The following FUCA2 variants were observed in gnomAD, a reference collection of about 807,000 sequenced individuals.
FUCA2 encodes alpha-L-fucosidase 2.
Under a neutral mutation model 52.6 loss-of-function variants are expected in FUCA2, and 41 were observed. The ratio of observed to expected loss-of-function variants is 0.78; its 90% CI spans 0.61 to 1.01. The LOEUF (loss-of-function observed/expected upper bound fraction) is 1.01. FUCA2 is among the 50% of genes least tolerant of loss of function. The probability of loss-of-function intolerance (pLI) is 0.00; values close to 1 mark genes in which losing one functional copy is unlikely to be tolerated. For missense variants in FUCA2, 507 were observed against 569.5 expected, an observed-to-expected ratio of 0.89 and a Z score of 1.12; for synonymous variants, 211 against 217.3, an observed-to-expected ratio of 0.97 and a Z score of 0.26.
intron 5 of FUCA2, among the ~76,000 whole-genome samples, chr6:143,498,244 A>G (rs1291264544): frequency 1.3e-5 from 2 of 152,184 alleles, no homozygotes; most frequent in African/African-American, 2.4e-5. Flanking sequence ...TTAAAATGCT[A>G]GACACTGTTT....
rs1780562984 is a variant in FUCA2, at chr6:143,503,823, A to C, written c.752+90T>G. ...CCCCCCATACCACCAATGACTTAAA[A>C]TGAAATATTTCAAGAGGTGAAGGAA... is the stretch of plus-strand genomic sequence containing the variant. On this transcript the variant is annotated intron_variant, in intron 3 of 6. Transcript: ENST00000002165. The surrounding 1 kb of genome is among the most constrained non-coding windows in gnomAD (Gnocchi z 4.8). 9.9e-7 allele frequency: 1 copy of C among 1,012,688 alleles called. No homozygotes were observed. Among genetic ancestry groups the C allele is most frequent in the African/African-American group, 1.6e-5 (1 of 61,840 alleles). 62.7% of individuals were successfully genotyped at this position (1,012,688 alleles called of 1,614,324 possible). A position where few individuals can be genotyped will look rare whatever the true frequency, so the allele number is the denominator to read the frequency against.
chr6:143,495,871 A>G lies in FUCA2; in HGVS notation c.1264-24T>C. On this transcript the variant is annotated intron_variant, in intron 6 of 6. Transcript: ENST00000002165. This position sits in a 1 kb window ranked among gnomAD's most constrained non-coding sequence, Gnocchi z 5.2. ...ACCTGAAATTAAAAACATACATGCA[A>G]ATGTCTCCAAATTTATCTCTTTATC... 6.2e-7 allele frequency: 1 copy of G among 1,609,548 alleles called. No homozygotes were observed. The highest frequency in any genetic ancestry group is 8.5e-7 in the Non-Finnish European group (1 of 1,176,652).
rs1780624394 is a variant in FUCA2 at position 143,507,496 on chromosome 6, C to T, written c.225-72G>A. Reference sequence around the variant, plus strand: ...ATTTAAAAGAACTGCTCCAGCTCCCCTTACCATTTACCCCTCACACAGATA... The same window carrying T: ...ATTTAAAAGAACTGCTCCAGCTCCCTTTACCATTTACCCCTCACACAGATA... On this transcript the variant is annotated intron_variant, in intron 1 of 6. Transcript: ENST00000002165. This position sits in a 1 kb window ranked among gnomAD's most constrained non-coding sequence, Gnocchi z 4.5. 11 of 1,102,562 alleles carry T rather than the reference C, an allele frequency of 1.0e-5. No individual in the cohort carries two copies. In the South Asian group the frequency reaches 1.6e-4, roughly 17 times the overall value. 68.3% of individuals were successfully genotyped at this position (1,102,562 alleles called of 1,614,324 possible).
rs1273222273 is a variant in FUCA2, at chr6:143,499,454, G to A, written c.1155-1957C>T. 6.6e-6 allele frequency among the ~76,000 whole-genome samples: 1 copy of A among 152,208 alleles called. No homozygotes were observed. The highest frequency in any genetic ancestry group is 1.9e-4 in the East Asian group (1 of 5,186). On this transcript the variant is annotated intron_variant, in intron 5 of 6. Coordinates refer to ENST00000002165, the MANE Select transcript of FUCA2 (RefSeq NM_032020.5). The surrounding 1 kb of genome is among the most constrained non-coding windows in gnomAD (Gnocchi z 6.0). ...ACCTGTAATCCCAGCTACTCAGGAG[G>A]CTGAGGCAGGAGAATCACTTGAACC... is the stretch of plus-strand genomic sequence containing the variant.
chr6:143,502,571 A>T lies in FUCA2; in HGVS notation c.753-6T>A, dbSNP rs1780544458. 1.2e-6 allele frequency: 2 copies of T among 1,605,620 alleles called. No homozygotes were observed. Among genetic ancestry groups the T allele is most frequent in the African/African-American group, 2.7e-5 (2 of 74,528 alleles). On this transcript the variant is annotated splice_polypyrimidine_tract_variant and splice_region_variant and intron_variant, in intron 3 of 6. Coordinates refer to ENST00000002165, the MANE Select transcript of FUCA2 (RefSeq NM_032020.5). This position sits in a 1 kb window ranked among gnomAD's most constrained non-coding sequence, Gnocchi z 4.1. ...CTACTGTGCCCCGAACTGGGCTGAA[A>T]TGAAACATACAATTTTTTAAAACAA...
rs556683485 is a variant in FUCA2 at position 143,507,959 on chromosome 6, G to A, written c.225-535C>T. On this transcript the variant is annotated intron_variant, in intron 1 of 6. Transcript: ENST00000002165. This position sits in a 1 kb window ranked among gnomAD's most constrained non-coding sequence, Gnocchi z 4.5. ...GTTAGGATTACAGGCATGAGTCACC[G>A]TGTCCAGCCCCATTCTCTTTTAATT... Among the ~76,000 whole-genome samples the A allele has an allele frequency of 2.6e-5, 4 of 152,224 alleles. No individual in the cohort carries two copies. Among genetic ancestry groups the A allele is most frequent in the African/African-American group, 9.6e-5 (4 of 41,550 alleles).
In FUCA2 at chr6:143,511,538, G is replaced by A. The variant is rs1255534514; in HGVS notation, c.97C>T (p.Arg33Cys). The part of the protein sequence containing the change: ...PPPCPAHSAT[R>C]FDPTWESLDA... ...AGGGACTCCCAGGTGGGGTCGAAGC[G>A]CGTGGCGCTGTGGGCAGGGCACGGC... is the stretch of plus-strand genomic sequence containing the variant. The change falls in exon 1 of 7, where the codon CGC (arginine) becomes TGC (cysteine). Residue 33 changes from arginine to cysteine, a missense_variant. Transcript: ENST00000002165. The surrounding 1 kb of genome is among the most constrained non-coding windows in gnomAD (Gnocchi z 6.3). 1 of 1,583,798 alleles carries A rather than the reference G, an allele frequency of 6.3e-7. No homozygotes were observed. Among genetic ancestry groups the A allele is most frequent in the South Asian group, 1.1e-5 (1 of 87,382 alleles).
Position 143,511,649 on chromosome 6 carries a change from C to CGGCTGTCCTCTCTGCAGGCT in FUCA2, c.-35_-16dup. 6.7e-7 allele frequency: 1 copy of CGGCTGTCCTCTCTGCAGGCT among 1,491,328 alleles called. No homozygotes were observed. The highest frequency in any genetic ancestry group is 8.9e-7 in the Non-Finnish European group (1 of 1,121,096). The allele number at this position is 1,491,328 out of a possible 1,614,324, so 92.4% of individuals were successfully genotyped here. On this transcript the variant is annotated 5_prime_UTR_variant, in exon 1 of 7. Coordinates refer to ENST00000002165, the MANE Select transcript of FUCA2 (RefSeq NM_032020.5). The surrounding 1 kb of genome is among the most constrained non-coding windows in gnomAD (Gnocchi z 6.3). ...TGGGGCCGCATGTCCCGGCGCAGGC[C>CGGCTGTCCTCTCTGCAGGCT]GGCTGTCCTCTCTGCAGGCTCCCGC...
Position 143,507,311 on chromosome 6 carries a change from T to G in FUCA2, c.338A>C (p.Asn113Thr), listed in dbSNP as rs1276484940. The G allele has an allele frequency of 1.2e-6, 2 of 1,609,396 alleles. No individual in the cohort carries two copies. The highest frequency in any genetic ancestry group is 1.1e-5 in the South Asian group (1 of 89,642). Residue 113 changes from asparagine to threonine, a missense_variant, in exon 2 of 7, where the codon AAT (asparagine) becomes ACT (threonine). By Grantham distance (65) the Asn-to-Thr change is moderately conservative. Transcript: ENST00000002165. The surrounding 1 kb of genome is among the most constrained non-coding windows in gnomAD (Gnocchi z 4.5). ...FGPLFTAKFF[N>T]ANQWADIFQA... ...AAAAATATCTGCCCACTGGTTGGCA[T>G]TAAAAAATTTTGCTGTAAATAGTGG...
In FUCA2 at chr6:143,501,840, A is replaced by C; in HGVS notation, c.1154+92T>G. The C allele has an allele frequency of 1.7e-6, 2 of 1,170,804 alleles. No homozygotes were observed. The highest frequency in any genetic ancestry group is 1.6e-5 in the South Asian group (1 of 61,720). 72.5% of individuals were successfully genotyped at this position (1,170,804 alleles called of 1,614,324 possible). A position where few individuals can be genotyped will look rare whatever the true frequency, so the allele number is the denominator to read the frequency against. ...CTTTGTATATGTAGGAATTCATCCA[A>C]TTTCTCTTTTTATCCTACTCTTCTT... On this transcript the variant is annotated intron_variant, in intron 5 of 6. Transcript: ENST00000002165. This position sits in a 1 kb window ranked among gnomAD's most constrained non-coding sequence, Gnocchi z 6.1.
Position 143,507,563 on chromosome 6 carries a change from G to C in FUCA2, c.225-139C>G. On this transcript the variant is annotated intron_variant, in intron 1 of 6. Transcript: ENST00000002165. The surrounding 1 kb of genome is among the most constrained non-coding windows in gnomAD (Gnocchi z 4.5). ...TCTCACTTCCCCATTAGTTTGACTT[G>C]GCTTTAAAGATAGCTTATGCAAACT... The C allele has an allele frequency of 1.6e-6, 1 of 620,910 alleles. No homozygotes were observed. The highest frequency in any genetic ancestry group is 2.6e-6 in the Non-Finnish European group (1 of 378,766). 38.5% of individuals were successfully genotyped at this position (620,910 alleles called of 1,614,324 possible).
rs1239894195 is a variant in FUCA2 at position 143,511,530 on chromosome 6, G to T, written c.105C>A (p.Asp35Glu). ...GGGCGTCCAGGGACTCCCAGGTGGG[G>T]TCGAAGCGCGTGGCGCTGTGGGCAG... ...PCPAHSATRFDPTWESLDARQ... is the reference protein window; with the variant it reads ...PCPAHSATRFEPTWESLDARQ... The change falls in exon 1 of 7, where the codon GAC becomes GAA. Residue 35 changes from aspartate (D) to glutamate (E), a missense_variant. Coordinates refer to ENST00000002165, the MANE Select transcript of FUCA2 (RefSeq NM_032020.5). This position sits in a 1 kb window ranked among gnomAD's most constrained non-coding sequence, Gnocchi z 6.3. 1 of 1,586,770 alleles carries T rather than the reference G, an allele frequency of 6.3e-7. No homozygotes were observed. Among genetic ancestry groups the T allele is most frequent in the Admixed American group, 1.8e-5 (1 of 55,686 alleles).
chr6:143,507,000 A>G (rs984002539), intron 2 of FUCA2: 1 of 468,342 alleles, frequency 2.1e-6, no homozygotes, highest in Non-Finnish European at 3.7e-6. Context: ...TTCAAAATAC[A>G]TGTGACAAAA....
rs745891853 is a variant in FUCA2 at position 143,504,638 on chromosome 6, A to G, written c.413-386T>C. 1.1e-5 allele frequency: 2 copies of G among 174,662 alleles called. No individual in the cohort carries two copies. The highest frequency in any genetic ancestry group is 4.8e-5 in the African/African-American group (2 of 41,938). 10.8% of individuals were successfully genotyped at this position (174,662 alleles called of 1,614,324 possible). On this transcript the variant is annotated intron_variant, in intron 2 of 6. Transcript: ENST00000002165. This position sits in a 1 kb window ranked among gnomAD's most constrained non-coding sequence, Gnocchi z 4.4. ...AATAGCAGCTCACAACTAAGATGGG[A>G]ACATATACATGTACCATGCTAAATG...
chr6:143,504,353 T>C lies in FUCA2; in HGVS notation c.413-101A>G, dbSNP rs1032129074. ...AACAAATCACATAGTACATGCGATA[T>C]ATAAATACCTGCTCCTACAAATGAC... On this transcript the variant is annotated intron_variant, in intron 2 of 6. Coordinates refer to ENST00000002165, the MANE Select transcript of FUCA2 (RefSeq NM_032020.5). This position sits in a 1 kb window ranked among gnomAD's most constrained non-coding sequence, Gnocchi z 4.4. 5 of 927,626 alleles carry C rather than the reference T, an allele frequency of 5.4e-6. No homozygotes were observed. The highest frequency in any genetic ancestry group is 1.7e-5 in the African/African-American group (1 of 60,300). The allele number at this position is 927,626 out of a possible 1,614,324, so 57.5% of individuals were successfully genotyped here.
At position 143,511,556 on chromosome 6, in the gene FUCA2, G is replaced by A. The variant is rs1177781550; in HGVS notation, c.79C>T (p.Pro27Ser). 1.3e-6 allele frequency: 2 copies of A among 1,572,964 alleles called. No individual in the cohort carries two copies. Among genetic ancestry groups the A allele is most frequent in the Non-Finnish European group, 1.7e-6 (2 of 1,159,798 alleles). Residue 27 changes from proline to serine, a missense_variant, in exon 1 of 7, where the codon CCT (proline) becomes TCT (serine). Pro to Ser is a moderately conservative substitution (Grantham distance 74). Transcript: ENST00000002165. The surrounding 1 kb of genome is among the most constrained non-coding windows in gnomAD (Gnocchi z 6.3). ...LLLLLPPPPC[P>S]AHSATRFDPT... The stretch of plus-strand genomic sequence containing the variant: ...TCGAAGCGCGTGGCGCTGTGGGCAG[G>A]GCACGGCGGCGGCGGCAGCAGCAGC...
Position 143,495,934 on chromosome 6 carries a change from C to G in FUCA2, c.1264-87G>C. The G allele has an allele frequency of 7.2e-7, 1 of 1,387,786 alleles. No individual in the cohort carries two copies. The highest frequency in any genetic ancestry group is 2.3e-5 in the East Asian group (1 of 43,282). 86.0% of individuals were successfully genotyped at this position (1,387,786 alleles called of 1,614,324 possible). ...TATTGGGAAGGAGTGATTAGTAGTT[C>G]AAACAAAATTGTAGACAAGAGGTTC... On this transcript the variant is annotated intron_variant, in intron 6 of 6. Coordinates refer to ENST00000002165, the MANE Select transcript of FUCA2 (RefSeq NM_032020.5). The surrounding 1 kb of genome is among the most constrained non-coding windows in gnomAD (Gnocchi z 5.2).
chr6:143,504,433 A>G lies in FUCA2; in HGVS notation c.413-181T>C. On this transcript the variant is annotated intron_variant, in intron 2 of 6. Transcript: ENST00000002165. The surrounding 1 kb of genome is among the most constrained non-coding windows in gnomAD (Gnocchi z 4.4). ...ATTGTGCTTTTATATGAGAAGTGAG[A>G]ATTTAAACAAGGTGAGACAGGTTTT... is the stretch of plus-strand genomic sequence containing the variant. 1.7e-6 allele frequency: 1 copy of G among 601,292 alleles called. No homozygotes were observed. Among genetic ancestry groups the G allele is most frequent in the South Asian group, 2.2e-5 (1 of 45,980 alleles). The allele number at this position is 601,292 out of a possible 1,614,324, so 37.2% of individuals were successfully genotyped here.
At position 143,508,388 on chromosome 6, in the gene FUCA2, T is replaced by C. The variant is rs973355707; in HGVS notation, c.225-964A>G. ...GCTTTTTCTATCACCATTCCTTTCA[T>C]ATGAGTATTTCTACAGGATAAGCAA... On this transcript the variant is annotated intron_variant, in intron 1 of 6. Coordinates refer to ENST00000002165, the MANE Select transcript of FUCA2 (RefSeq NM_032020.5). 4.6e-5 allele frequency among the ~76,000 whole-genome samples: 7 copies of C among 152,128 alleles called. No individual in the cohort carries two copies. The East Asian group carries it at 1.3e-3, about 29-fold the overall frequency.
Sources: allele counts gnomAD v4.1 joint callset (sites outside exome capture counted in the v4.1 genomes callset), GRCh38; gene constraint gnomAD v4.1.1; non-coding constraint Gnocchi (gnomAD v3.1); transcripts MANE v1.5; gene names NCBI Gene and HGNC (gene_info 2026-07-23, HGNC 2026-07-21).